CNTNAP5: variants seen among roughly 807,000 people sequenced by gnomAD.
CNTNAP5 encodes contactin associated protein family member 5.
In CNTNAP5, 72 loss-of-function variants were observed where a neutral mutation model predicts 150.2. That is an observed-to-expected ratio of 0.48 (90% confidence interval 0.40 to 0.58). CNTNAP5 has a LOEUF of 0.58. Ranked by LOEUF, CNTNAP5 falls within the 20% of genes least tolerant of loss-of-function variation. CNTNAP5 has a pLI of 0.00. For synonymous variants in CNTNAP5, 672 were observed against 619.8 expected (o/e 1.08, Z -1.25); for missense variants, 1,636 against 1,626.2 (o/e 1.01, Z -0.10).
At chr2:124,484,711 C>T (rs1693832466) in intron 7 of CNTNAP5, among the ~76,000 whole-genome samples, 1 of 152,154 alleles carries the variant, frequency 6.6e-6, no homozygotes, top group Non-Finnish European at 1.5e-5. Flanking sequence ...TTTAGAAGTA[C>T]AACACTAAAG....
At chr2:124,837,647 A>G (rs1304329856) in intron 19 of CNTNAP5, among the ~76,000 whole-genome samples, 3 of 152,152 alleles carry the variant, frequency 2.0e-5, no homozygotes, top group Non-Finnish European at 4.4e-5. Context: ...ATCATCGAGC[A>G]AAAGTGATAT....
chr2:124,855,117 G>A (rs1443431890), intron 19 of CNTNAP5, among the ~76,000 whole-genome samples: 1 of 150,202 alleles, frequency 6.7e-6, no homozygotes, highest in African/African-American at 2.4e-5. Flanking sequence ...TGAATGTCAT[G>A]GTAAGAAGTT....
intron 13 of CNTNAP5, among the ~76,000 whole-genome samples, chr2:124,746,675 T>C (rs1680609573): frequency 6.6e-6 from 1 of 152,202 alleles, no homozygotes; most frequent in East Asian, 1.9e-4. Context: ...GTCTTTAACT[T>C]CCTCATTGTC....
At chr2:124,027,447 TAAA>T (rs1490350282) in intron 1 of CNTNAP5, among the ~76,000 whole-genome samples, 1 of 152,178 alleles carries the variant, frequency 6.6e-6, no homozygotes, top group African/African-American at 2.4e-5. Flanking sequence ...GAGATAAGGA[TAAA>T]AAAGACAGAA....
At chr2:124,186,114 G>A (rs1175903346) in intron 1 of CNTNAP5, among the ~76,000 whole-genome samples, 1 of 152,070 alleles carries the variant, frequency 6.6e-6, no homozygotes, top group Non-Finnish European at 1.5e-5. Context: ...GTCCTGAGTG[G>A]GCATGAGAAT....
At chr2:124,581,447 T>G (rs1696410164) in intron 11 of CNTNAP5, among the ~76,000 whole-genome samples, 1 of 152,216 alleles carries the variant, frequency 6.6e-6, no homozygotes, top group African/African-American at 2.4e-5. Context: ...GTGATTCTTC[T>G]ACTAAGAAAT....
chr2:124,042,138 G>A (rs908592196), intron 1 of CNTNAP5, among the ~76,000 whole-genome samples: 11 of 152,120 alleles, frequency 7.2e-5, no homozygotes, highest in Non-Finnish European at 1.3e-4. Context: ...TGGGATTACC[G>A]GCATGAGCCA....
At chr2:124,233,631 T>C (rs1686676711) in intron 2 of CNTNAP5, among the ~76,000 whole-genome samples, 1 of 152,018 alleles carries the variant, frequency 6.6e-6, no homozygotes, top group Non-Finnish European at 1.5e-5. Flanking sequence ...TAAATCTTCA[T>C]TCTATCCCTT....
At chr2:124,161,261 T>C (rs1218374973) in intron 1 of CNTNAP5, among the ~76,000 whole-genome samples, 1 of 152,124 alleles carries the variant, frequency 6.6e-6, no homozygotes, top group Non-Finnish European at 1.5e-5. Flanking sequence ...AGCCAGCAAA[T>C]GAGTGGAGCT....
At chr2:124,147,044 T>A (rs1684270357) in intron 1 of CNTNAP5, among the ~76,000 whole-genome samples, 1 of 152,128 alleles carries the variant, frequency 6.6e-6, no homozygotes, top group Non-Finnish European at 1.5e-5. Flanking sequence ...AAGTACTCTA[T>A]GATGCTTTCT....
At chr2:124,633,775 T>G (rs1677914101) in intron 12 of CNTNAP5, among the ~76,000 whole-genome samples, 1 of 152,204 alleles carries the variant, frequency 6.6e-6, no homozygotes, top group African/African-American at 2.4e-5. Context: ...TTTTGAAATC[T>G]AGCTGGAGTC....
At chr2:124,583,219 A>T (rs1422256608) in intron 11 of CNTNAP5, among the ~76,000 whole-genome samples, 1 of 152,172 alleles carries the variant, frequency 6.6e-6, no homozygotes, top group African/African-American at 2.4e-5. Flanking sequence ...GGGAGACATG[A>T]CCTCTGGCCC....
intron 11 of CNTNAP5, among the ~76,000 whole-genome samples, chr2:124,574,566 G>T (rs1358137782): frequency 6.6e-6 from 1 of 152,188 alleles, no homozygotes; most frequent in South Asian, 2.1e-4. Flanking sequence ...GGAATGTTCT[G>T]CAAGCATCAC....
At chr2:124,531,095 C>T (rs1193455845) in intron 10 of CNTNAP5, among the ~76,000 whole-genome samples, 3 of 151,856 alleles carry the variant, frequency 2.0e-5, no homozygotes, top group Admixed American at 2.0e-4. Context: ...AGCTTGTTTT[C>T]CTGCAACTAG....
chr2:124,210,592 T>A (rs924218571), intron 1 of CNTNAP5, among the ~76,000 whole-genome samples: 4 of 152,184 alleles, frequency 2.6e-5, no homozygotes, highest in African/African-American at 7.2e-5. Context: ...TGATTGGGTC[T>A]TGTTAGCACA....
chr2:124,536,056 C>A (rs139986094), intron 10 of CNTNAP5, among the ~76,000 whole-genome samples: 1 of 152,046 alleles, frequency 6.6e-6, no homozygotes, highest in Non-Finnish European at 1.5e-5. Context: ...TTACATTGGG[C>A]GCCAGAAAAG....
intron 1 of CNTNAP5, among the ~76,000 whole-genome samples, chr2:124,127,640 C>T (rs554772387): frequency 9.4e-4 from 143 of 152,222 alleles, no homozygotes; most frequent in Non-Finnish European, 3.7e-4. Context: ...GGAGGCATCA[C>T]GCTACCTGAC....
chr2:124,362,968 G>C (rs1690259020), intron 3 of CNTNAP5, among the ~76,000 whole-genome samples: 2 of 152,136 alleles, frequency 1.3e-5, no homozygotes, highest in Non-Finnish European at 2.9e-5. Flanking sequence ...CTATGAGTCA[G>C]TCTCCTTTGG....
chr2:124,831,005 AAG>A (rs1344449942), intron 19 of CNTNAP5, among the ~76,000 whole-genome samples: 1 of 152,102 alleles, frequency 6.6e-6, no homozygotes, highest in Non-Finnish European at 1.5e-5. Context: ...CAATTGCAGT[AAG>A]AGCAAATCAG....
Sources: gnomAD v4.1 joint callset for allele counts (sites outside exome capture counted in the v4.1 genomes callset) on GRCh38, gnomAD v4.1.1 for gene constraint, MANE v1.5 for transcripts, NCBI Gene and HGNC (gene_info 2026-07-23, HGNC 2026-07-21) for gene names.